Variants in MTO1 observed in about 807,000 individuals in gnomAD.
MTO1 encodes 5-taurinomethyluridine-[tRNA] synthase subunit MTO1, mitochondrial.
Under a neutral mutation model 71.6 loss-of-function variants are expected in MTO1, and 46 were observed. The observed-to-expected ratio is 0.64, with a 90% CI of 0.51 to 0.82. The LOEUF is 0.82. Among genes scored for constraint, MTO1 ranks in the 40% least tolerant of loss-of-function variants. The probability of loss-of-function intolerance (pLI) is 0.00; values close to 1 mark genes in which losing one functional copy is unlikely to be tolerated. For synonymous variants in MTO1, 297 were observed against 312.1 expected (o/e 0.95, Z 0.51); for missense variants, 773 against 867.5 (o/e 0.89, Z 1.37).
chr6:73,481,864 A>G (rs529437293), intron 7 of MTO1, among the ~76,000 whole-genome samples, 176 bp from the exon 8 acceptor site: 1 of 152,276 alleles, frequency 6.6e-6, no homozygotes, highest in Admixed American at 6.5e-5. Context: ...CTAAAGTGAT[A>G]TATTACCCAT....
At chr6:73,500,085 G>A (rs746451267) in intron 11 of MTO1, among the ~76,000 whole-genome samples, 1 of 152,106 alleles carries the variant, frequency 6.6e-6, no homozygotes, top group East Asian at 1.9e-4. Context: ...CTGCATTCTC[G>A]ACCTCCCAGG....
chr6:73,472,520 A>G (rs1488838961), intron 3 of MTO1, among the ~76,000 whole-genome samples: 2 of 152,192 alleles, frequency 1.3e-5, no homozygotes, highest in Admixed American at 1.3e-4. Context: ...TGAGATTGAT[A>G]ACATATTAGC....
chr6:73,495,531 A>T (rs950763514), intron 10 of MTO1, among the ~76,000 whole-genome samples: 1 of 152,030 alleles, frequency 6.6e-6, no homozygotes, highest in Non-Finnish European at 1.5e-5. Context: ...AGACTCTGGC[A>T]TATATAAAGA....
chr6:73,482,008 A>G, intron 7 of MTO1, 32 bp from the exon 8 acceptor site: 2 of 1,612,568 alleles, frequency 1.2e-6, no homozygotes, highest in East Asian at 4.5e-5. Context: ...TTAGTTCATA[A>G]TGGCCTTTTA....
At position 73,462,054 on chromosome 6, in the gene MTO1, A is replaced by G. The variant is rs1197613853; in HGVS notation, c.200A>G (p.His67Arg). The G allele has an allele frequency of 6.2e-7, 1 of 1,613,310 alleles. No individual in the cohort carries two copies. The highest frequency in any genetic ancestry group is 2.2e-5 in the East Asian group (1 of 44,858). Residue 67 changes from histidine (H) to arginine (R), a missense_variant, in exon 1 of 12, where the codon CAC becomes CGC. Physicochemically the swap from His to Arg is conservative, Grantham distance 29. Coordinates refer to ENST00000498286, the MANE Select transcript of MTO1 (RefSeq NM_012123.4). Reference protein sequence around the residue: ...RCGSRTLLLTHRVDTIGQMSC... With the variant: ...RCGSRTLLLTRRVDTIGQMSC... ...GGCTCTCGGACTCTGCTCCTCACTC[A>G]CCGCGTGGACACGATCGGTGAGGAG...
chr6:73,482,297 T>C, intron 8 of MTO1, 53 bp downstream of exon 8: 1 of 1,595,478 alleles, frequency 6.3e-7, no homozygotes, highest in Non-Finnish European at 8.6e-7. Flanking sequence ...CTCACACCTA[T>C]AATCCAAGCA....
intron 9 of MTO1, among the ~76,000 whole-genome samples, chr6:73,484,704 G>C (rs965046263): frequency 5.9e-5 from 9 of 152,128 alleles, no homozygotes; most frequent in African/African-American, 2.2e-4. Flanking sequence ...TTCTCCAGCT[G>C]TTTATTCATT....
intron 4 of MTO1, among the ~76,000 whole-genome samples, chr6:73,479,118 A>AC (rs1181860948): frequency 6.8e-6 from 1 of 146,056 alleles, no homozygotes; most frequent in Non-Finnish European, 1.5e-5. Flanking sequence ...CAAACTTCTG[A>AC]CCTCGTGCTC....
chr6:73,477,410 A>G (rs1350343521), intron 4 of MTO1, among the ~76,000 whole-genome samples: 6 of 151,454 alleles, frequency 4.0e-5, no homozygotes, highest in Admixed American at 1.3e-4. Context: ...AAAAAAAAAA[A>G]AAAAAGAAAT....
At chr6:73,491,514 G>T (rs1178887337) in intron 9 of MTO1, among the ~76,000 whole-genome samples, 2 of 152,242 alleles carry the variant, frequency 1.3e-5, no homozygotes, top group East Asian at 3.9e-4. Context: ...TCTTCCTTAG[G>T]GAGTTCAGTA....
chr6:73,470,467 A>C (rs555129052), intron 3 of MTO1, among the ~76,000 whole-genome samples: 1 of 152,070 alleles, frequency 6.6e-6, no homozygotes, highest in South Asian at 2.1e-4. Flanking sequence ...CGGCCTCCCA[A>C]AGTGCTGGGA....
rs755205490 is a variant in MTO1, at chr6:73,492,246, T to C, written c.1650T>C (p.Val550=). 53 of 1,611,522 alleles carry C rather than the reference T, an allele frequency of 3.3e-5. No individual in the cohort carries two copies. Among genetic ancestry groups the C allele is most frequent in the Non-Finnish European group, 4.4e-5 (52 of 1,177,774 alleles). ...SRSLPVRALD[V]LKYEEVDMDS... ...CATATATTTGCAGAGCTCTCGATGT[T>C]CTGAAGTATGAGGAAGTTGACATGG... is the stretch of plus-strand genomic sequence containing the variant. Residue 550 remains valine (V), a synonymous_variant, in exon 10 of 12, where the codon GTT becomes GTC. Coordinates refer to ENST00000498286, the MANE Select transcript of MTO1 (RefSeq NM_012123.4).
Position 73,467,642 on chromosome 6 carries a change from T to TAA in MTO1, c.535+1037_535+1038insAA, listed in dbSNP as rs373637860. ...ATAAATAAATAAATAAATAAATAAATATAAAAGAAATTTAGAAATTTATGT... is the reference window on the plus strand; with the variant it reads ...ATAAATAAATAAATAAATAAATAAATAAATAAAAGAAATTTAGAAATTTATGT... On this transcript the variant is annotated intron_variant, in intron 3 of 11. Transcript: ENST00000498286. Among the ~76,000 whole-genome samples the TAA allele has an allele frequency of 4.0e-3, 594 of 150,042 alleles. 1 individual carries two copies. The highest frequency in any genetic ancestry group is 8.8e-3 in the African/African-American group (359 of 41,018).
chr6:73,466,511 T>G lies in MTO1; in HGVS notation c.440T>G (p.Leu147Arg), dbSNP rs1430870615. The change falls in exon 3 of 12, where the codon CTG (leucine) becomes CGG (arginine). Residue 147 changes from leucine (L) to arginine (R), a missense_variant. By Grantham distance (102) the Leu-to-Arg change is moderately radical (BLOSUM62 -2). Transcript: ENST00000498286. ...CAGAAAGAAATCTTGAATACACCAC[T>G]GCTTACTGTTCAGGAGGGAGCTGTA... Reference protein sequence around the residue: ...NMQKEILNTPLLTVQEGAVED... With the variant: ...NMQKEILNTPRLTVQEGAVED... 3 of 1,614,190 alleles carry G rather than the reference T, an allele frequency of 1.9e-6. No individual in the cohort carries two copies. The highest frequency in any genetic ancestry group is 2.5e-6 in the Non-Finnish European group (3 of 1,180,030).
At chr6:73,497,595 C>A (rs912200279) in intron 10 of MTO1, 141 bp from the exon 11 acceptor site, 1 of 765,304 alleles carries the variant, frequency 1.3e-6, no homozygotes, top group Non-Finnish European at 2.0e-6. Context: ...GGAACACCTA[C>A]CCAACCCATC....
At chr6:73,483,859 A>G (rs937131836) in intron 9 of MTO1, among the ~76,000 whole-genome samples, 1 of 145,850 alleles carries the variant, frequency 6.9e-6, no homozygotes, top group Non-Finnish European at 1.5e-5. Context: ...GCTCACTGCA[A>G]CCTCTGCCTC....
chr6:73,495,944 A>C lies in MTO1; in HGVS notation c.1757-1792A>C, dbSNP rs559742910. Among the ~76,000 whole-genome samples, 66 of 152,284 alleles carry C rather than the reference A, an allele frequency of 4.3e-4. 2 individuals are homozygous for C. In the Middle Eastern group the frequency reaches 0.01, roughly 24 times the overall value. ...CATTGTTGTCCCAGTTTTACAGATA[A>C]GTGGTAATTGCCCAAGATCACACAG... On this transcript the variant is annotated intron_variant, in intron 10 of 11. Transcript: ENST00000498286.
chr6:73,487,354 G>A (rs1771682639), intron 9 of MTO1, among the ~76,000 whole-genome samples: 1 of 151,740 alleles, frequency 6.6e-6, no homozygotes, highest in Non-Finnish European at 1.5e-5. Context: ...AGTAATCCCA[G>A]CTACTTTTTG....
intron 9 of MTO1, among the ~76,000 whole-genome samples, chr6:73,489,334 G>T (rs1337444989): frequency 6.7e-6 from 1 of 148,948 alleles, no homozygotes; most frequent in South Asian, 2.1e-4. Context: ...TGTGCACAAC[G>T]TGCAGGTTTG....
Sources: gnomAD v4.1 joint callset for allele counts (sites outside exome capture counted in the v4.1 genomes callset) on GRCh38, gnomAD v4.1.1 for gene constraint, MANE v1.5 for transcripts, NCBI Gene and HGNC (gene_info 2026-07-23, HGNC 2026-07-21) for gene names.